Variants in DOCK3 observed in about 807,000 individuals in gnomAD.
The protein encoded by DOCK3 is dedicator of cytokinesis protein 3.
Under a neutral mutation model 265.6 loss-of-function variants are expected in DOCK3, and 60 were observed. That is an observed-to-expected ratio of 0.23 (90% CI 0.18 to 0.28). The LOEUF is 0.28. Ranked by LOEUF, DOCK3 falls within the 10% of genes least tolerant of loss-of-function variation. The pLI is 1.00. For synonymous variants in DOCK3, 881 were observed against 938.0 expected, an observed-to-expected ratio of 0.94 and a Z score of 1.11; for missense variants, 1,981 against 2,594.3, an observed-to-expected ratio of 0.76 and a Z score of 5.14.
chr3:50,966,800 G>T (rs955457441), intron 5 of DOCK3, among the ~76,000 whole-genome samples: 8 of 152,042 alleles, frequency 5.3e-5, no homozygotes, highest in Non-Finnish European at 1.2e-4. Flanking sequence ...AGTAGGGGAT[G>T]ACCAACTTGC....
chr3:50,917,793 G>A (rs34855107), intron 4 of DOCK3, among the ~76,000 whole-genome samples: 14,456 of 151,900 alleles, frequency 0.095, 848 homozygotes, highest in Non-Finnish European at 0.12. Context: ...AAGTTCTAGG[G>A]TTCATGTGCA....
intron 1 of DOCK3, among the ~76,000 whole-genome samples, chr3:50,745,120 T>C (rs1188049449): frequency 6.6e-6 from 1 of 152,194 alleles, no homozygotes; most frequent in Non-Finnish European, 1.5e-5. Flanking sequence ...TTATTTTTAT[T>C]AGTTTTTTGA....
intron 21 of DOCK3, among the ~76,000 whole-genome samples, chr3:51,239,649 T>C (rs1056852273): frequency 1.3e-5 from 2 of 151,842 alleles, no homozygotes; most frequent in African/African-American, 2.4e-5. Context: ...ATTGGTCTGT[T>C]TGGGGATTCC....
intron 2 of DOCK3, among the ~76,000 whole-genome samples, chr3:50,821,448 C>T (rs974051507): frequency 2.0e-5 from 3 of 151,870 alleles, no homozygotes; most frequent in South Asian, 2.1e-4. Context: ...TACAGGTGAC[C>T]GCCACCACAC....
intron 9 of DOCK3, among the ~76,000 whole-genome samples, chr3:51,099,940 T>C (rs573250168): frequency 2.0e-5 from 3 of 152,270 alleles, no homozygotes; most frequent in African/African-American, 7.2e-5. Context: ...CATCCTCTCA[T>C]CCTTTGATCT....
At chr3:51,249,650 G>T (rs1374071426) in intron 22 of DOCK3, among the ~76,000 whole-genome samples, 2 of 1,990 alleles carry the variant, frequency 1.0e-3, no homozygotes, top group African/African-American at 4.0e-3. Context: ...GAGGGAGGTG[G>T]GGGGGGGTCA....
At chr3:50,854,477 C>T (rs561106026) in intron 3 of DOCK3, among the ~76,000 whole-genome samples, 7 of 147,094 alleles carry the variant, frequency 4.8e-5, no homozygotes, top group African/African-American at 1.5e-4. Context: ...GTCATCCAGG[C>T]TGGAGTACAG....
At chr3:51,237,968 AC>A (rs1309147993) in intron 21 of DOCK3, among the ~76,000 whole-genome samples, 6 of 151,788 alleles carry the variant, frequency 4.0e-5, no homozygotes, top group Non-Finnish European at 7.4e-5. Flanking sequence ...TACTTTAGGT[AC>A]CTCATGTAAG....
At position 50,786,150 on chromosome 3, in the gene DOCK3, A is replaced by G. The variant is rs1360753328; in HGVS notation, c.121+7392A>G. ...TTGTATTTCTTTGGTATTGCTTGTA[A>G]TATCTCTTGTTTTGTTTCTAATTGA... On this transcript the variant is annotated intron_variant, in intron 2 of 52. Transcript: ENST00000266037. Among the ~76,000 whole-genome samples the G allele has an allele frequency of 2.0e-5, 3 of 151,978 alleles. No individual in the cohort carries two copies. The East Asian group carries it at 5.8e-4, about 29-fold the overall frequency.
chr3:51,054,633 T>C (rs1165959560), intron 5 of DOCK3, among the ~76,000 whole-genome samples: 1 of 152,214 alleles, frequency 6.6e-6, no homozygotes. Flanking sequence ...ACTAATTTTC[T>C]TACATTTTGT....
At chr3:51,333,663 A>T (rs985313801) in intron 35 of DOCK3, among the ~76,000 whole-genome samples, 1 of 152,168 alleles carries the variant, frequency 6.6e-6, no homozygotes, top group African/African-American at 2.4e-5. Context: ...TGAGCAGAGA[A>T]GTATCACCTG....
chr3:51,060,106 T>C (rs1016598421), intron 5 of DOCK3, among the ~76,000 whole-genome samples: 1 of 151,914 alleles, frequency 6.6e-6, no homozygotes, highest in Non-Finnish European at 1.5e-5. Context: ...CAACAATTCA[T>C]TGAACCTGCA....
At position 50,792,285 on chromosome 3, in the gene DOCK3, G is replaced by A. The variant is rs570665676; in HGVS notation, c.121+13527G>A. On this transcript the variant is annotated intron_variant, in intron 2 of 52. Coordinates refer to ENST00000266037, the MANE Select transcript of DOCK3 (RefSeq NM_004947.5). The stretch of plus-strand genomic sequence containing the variant: ...CTGTTGTTGGTGTATAGGAACTCTA[G>A]TGATTTTTGCACGTAGATTTTGTAT... 2.6e-5 allele frequency among the ~76,000 whole-genome samples: 4 copies of A among 152,230 alleles called. No individual in the cohort carries two copies. In the South Asian group the frequency reaches 8.3e-4, roughly 32 times the overall value.
chr3:51,151,209 G>A (rs1181217379), intron 10 of DOCK3, among the ~76,000 whole-genome samples: 1 of 151,500 alleles, frequency 6.6e-6, no homozygotes, highest in Non-Finnish European at 1.5e-5. Flanking sequence ...GTATGTCTCT[G>A]CACATAAGAT....
chr3:51,226,611 C>G (rs1419312491), intron 15 of DOCK3, among the ~76,000 whole-genome samples: 6 of 152,214 alleles, frequency 3.9e-5, no homozygotes, highest in Admixed American at 3.9e-4. Context: ...TAAGCCTGTT[C>G]ACTGTTTGCA....
chr3:51,269,583 A>G (rs963451446), intron 23 of DOCK3, among the ~76,000 whole-genome samples: 1 of 152,194 alleles, frequency 6.6e-6, no homozygotes, highest in African/African-American at 2.4e-5. Context: ...ACTCTAAGCC[A>G]GTGTCTGTTG....
intron 22 of DOCK3, among the ~76,000 whole-genome samples, chr3:51,250,766 A>G (rs2079173943): frequency 6.6e-6 from 1 of 152,260 alleles, no homozygotes; most frequent in Non-Finnish European, 1.5e-5. Context: ...AGCTGAAGTC[A>G]GTGTTAACAG....
chr3:51,350,437 T>A, intron 40 of DOCK3, 45 bp downstream of exon 40: 2 of 1,578,090 alleles, frequency 1.3e-6, no homozygotes, highest in Non-Finnish European at 1.7e-6. Flanking sequence ...ATTTTACGCA[T>A]AATTCACTTA....
At chr3:50,866,447 C>T (rs137989594) in intron 3 of DOCK3, among the ~76,000 whole-genome samples, 1,910 of 150,788 alleles carry the variant, frequency 0.013, 16 homozygotes, top group Non-Finnish European at 0.021. Context: ...ATCATGGCAC[C>T]GCACTCCAGC....
Sources: allele counts gnomAD v4.1 joint callset (sites outside exome capture counted in the v4.1 genomes callset), GRCh38; gene constraint gnomAD v4.1.1; transcripts MANE v1.5; gene names NCBI Gene and HGNC (gene_info 2026-07-23, HGNC 2026-07-21).